Variants in UBE3D observed in about 807,000 individuals in gnomAD.
UBE3D encodes ubiquitin protein ligase E3D, also known as E3 ubiquitin-protein ligase E3D.
Under a neutral mutation model 49.6 loss-of-function variants are expected in UBE3D, and 48 were observed. That is an observed-to-expected ratio of 0.97 (90% CI 0.77 to 1.23). The LOEUF (loss-of-function observed/expected upper bound fraction) is 1.23, where lower values mean the gene tolerates loss of function less well. Among genes scored for constraint, UBE3D ranks in the 50% most tolerant of loss-of-function variants. The probability of loss-of-function intolerance (pLI) is 0.00; values close to 1 mark genes in which losing one functional copy is unlikely to be tolerated. For synonymous variants in UBE3D, 189 were observed against 174.2 expected, an observed-to-expected ratio of 1.08 and a Z score of -0.67; for missense variants, 452 against 468.4, an observed-to-expected ratio of 0.96 and a Z score of 0.32.
chr6:83,031,836 G>T (rs1395315689), intron 5 of UBE3D, among the ~76,000 whole-genome samples: 1 of 152,192 alleles, frequency 6.6e-6, no homozygotes, highest in African/African-American at 2.4e-5. Context: ...GCTAAAAGGG[G>T]CCAAGGTACA....
At chr6:83,012,021 A>C (rs1780371407) in intron 8 of UBE3D, among the ~76,000 whole-genome samples, 1 of 152,208 alleles carries the variant, frequency 6.6e-6, no homozygotes, top group Non-Finnish European at 1.5e-5. Flanking sequence ...ATGACTTCAA[A>C]AGGCCATTCC....
chr6:83,040,481 T>A (rs1251342418), intron 4 of UBE3D, among the ~76,000 whole-genome samples: 1 of 152,106 alleles, frequency 6.6e-6, no homozygotes, highest in Non-Finnish European at 1.5e-5. Context: ...CTCTATGGCC[T>A]ATTCTTTCCC....
chr6:82,998,201 G>A (rs550787425), intron 8 of UBE3D, among the ~76,000 whole-genome samples: 14 of 152,270 alleles, frequency 9.2e-5, no homozygotes, highest in African/African-American at 1.7e-4. Context: ...TAAATGTTCC[G>A]TTTATTTTGC....
the UBE3D span, among the ~76,000 whole-genome samples, chr6:82,884,863 T>C: frequency 2.0e-5 from 3 of 152,140 alleles, no homozygotes; most frequent in Non-Finnish European, 2.9e-5. Context: ...ACAAAAAGAT[T>C]CCCGGTACTT....
intron 9 of UBE3D, among the ~76,000 whole-genome samples, chr6:82,915,001 G>C (rs1477127284): frequency 6.6e-6 from 1 of 152,096 alleles, no homozygotes; most frequent in East Asian, 1.9e-4. Flanking sequence ...AACCCTGAGT[G>C]GATTGCCCAC....
intron 8 of UBE3D, among the ~76,000 whole-genome samples, chr6:83,001,542 G>T (rs1370654108): frequency 6.6e-6 from 1 of 152,082 alleles, no homozygotes; most frequent in Non-Finnish European, 1.5e-5. Context: ...CTTAGCTTTA[G>T]CTTCTCTCCA....
chr6:83,008,027 T>G (rs754133295), intron 8 of UBE3D, among the ~76,000 whole-genome samples: 2 of 152,182 alleles, frequency 1.3e-5, no homozygotes, highest in Non-Finnish European at 2.9e-5. Flanking sequence ...TAAATACAAT[T>G]TCAAGAAAAT....
rs986105765 is a variant in UBE3D at position 82,922,828 on chromosome 6, G to A, written c.1150-29786C>T. Among the ~76,000 whole-genome samples the A allele has an allele frequency of 2.0e-5, 3 of 152,194 alleles. No homozygotes were observed. In the East Asian group the frequency reaches 5.8e-4, roughly 29 times the overall value. On this transcript the variant is annotated intron_variant, in intron 9 of 9. Coordinates refer to ENST00000369747, the MANE Select transcript of UBE3D (RefSeq NM_198920.3). ...TTGCAGTCTATCCATCTGACAAAGG[G>A]CTAATATCCAGAATCTACAAAGAAG...
intron 9 of UBE3D, among the ~76,000 whole-genome samples, chr6:82,897,396 G>C (rs1251490503): frequency 1.3e-5 from 2 of 151,994 alleles, no homozygotes; most frequent in Admixed American, 1.3e-4. Flanking sequence ...TTCGAGACCA[G>C]CCTGGCCAAC....
At chr6:83,065,474 T>C (rs1784430166) in intron 1 of UBE3D, among the ~76,000 whole-genome samples, 168 bp downstream of exon 1, 1 of 151,570 alleles carries the variant, frequency 6.6e-6, no homozygotes, top group Admixed American at 6.6e-5. Context: ...GGGGTGGGAG[T>C]GGCGGAGCCG....
chr6:82,887,929 T>C (rs1489758980), downstream of UBE3D, among the ~76,000 whole-genome samples: 1 of 152,108 alleles, frequency 6.6e-6, no homozygotes, highest in Non-Finnish European at 1.5e-5. Context: ...CATTTCTGGC[T>C]CTTCTTCCTA....
intron 9 of UBE3D, among the ~76,000 whole-genome samples, chr6:82,922,098 G>A (rs1240085430): frequency 6.6e-6 from 1 of 151,066 alleles, no homozygotes; most frequent in African/African-American, 2.4e-5. Flanking sequence ...CCAGATAATA[G>A]TTGTAGCAGA....
intron 8 of UBE3D, among the ~76,000 whole-genome samples, chr6:83,012,738 C>A (rs1442193578): frequency 6.6e-6 from 1 of 152,192 alleles, no homozygotes; most frequent in Non-Finnish European, 1.5e-5. Flanking sequence ...CCATGTCAAA[C>A]CATTGGCTAC....
rs143546963 is a variant in UBE3D, at chr6:82,959,970, A to G, written c.1011-2520T>C. 2.0e-3 allele frequency among the ~76,000 whole-genome samples: 312 copies of G among 152,264 alleles called. 2 individuals carry two copies. Among genetic ancestry groups the G allele is most frequent in the African/African-American group, 6.9e-3 (287 of 41,570 alleles). On this transcript the variant is annotated intron_variant, in intron 8 of 9. Coordinates refer to ENST00000369747, the MANE Select transcript of UBE3D (RefSeq NM_198920.3). ...TTAATCCTCTGGGAAATACGCTTGCAGTCCCGGGAAGAAAAGAGTTGTTCC... is the reference window on the plus strand; with the variant it reads ...TTAATCCTCTGGGAAATACGCTTGCGGTCCCGGGAAGAAAAGAGTTGTTCC...
At position 83,024,018 on chromosome 6, in the gene UBE3D, T is replaced by C; in HGVS notation, c.688A>G (p.Thr230Ala). 1 of 1,533,838 alleles carries C rather than the reference T, an allele frequency of 6.5e-7. No homozygotes were observed. The highest frequency in any genetic ancestry group is 8.7e-7 in the Non-Finnish European group (1 of 1,146,680). Residue 230 changes from threonine to alanine, a missense_variant, in exon 6 of 10, where the codon ACA becomes GCA. Coordinates refer to ENST00000369747, the MANE Select transcript of UBE3D (RefSeq NM_198920.3). ...VSSETTKFYM[T>A]EIIIQSSERS... ...TCAGATGACTGAATAATTATCTCTG[T>C]CATATAAAACTTGGTGGTTTCTAGA... is the stretch of plus-strand genomic sequence containing the variant.
rs1403210966 is a variant in UBE3D at position 83,022,470 on chromosome 6, C to T, written c.829G>A (p.Asp277Asn). ...TFRFTIQGQD[D>N]KVYILLWLLN... ...TTTCTTACCAAGATATACACTTTGT[C>T]ATCCTGACCTTGAATCGTGAATCTA... The change falls in exon 7 of 10, where the codon GAC (aspartate) becomes AAC (asparagine). Residue 277 changes from aspartate (D) to asparagine (N), a missense_variant. Physicochemically the swap from Asp to Asn is conservative, Grantham distance 23. Coordinates refer to ENST00000369747, the MANE Select transcript of UBE3D (RefSeq NM_198920.3). The T allele has an allele frequency of 6.3e-7, 1 of 1,599,584 alleles. No homozygotes were observed. The highest frequency in any genetic ancestry group is 1.1e-5 in the South Asian group (1 of 88,366).
Position 83,044,584 on chromosome 6 carries a change from G to T in UBE3D, c.441C>A (p.Asp147Glu), listed in dbSNP as rs1782898446. Residue 147 changes from aspartate to glutamate, a missense_variant, in exon 4 of 10, where the codon GAC becomes GAA. Asp to Glu is a conservative substitution (Grantham distance 45). Transcript: ENST00000369747. ...ALVGEWCCHPDPFANKSLHPQ... is the reference protein window; with the variant it reads ...ALVGEWCCHPEPFANKSLHPQ... ...GATGAAGTGATTTATTAGCAAAGGG[G>T]TCAGGATGACAACACCATTCTCCAA... 1.2e-6 allele frequency: 2 copies of T among 1,614,112 alleles called. No homozygotes were observed. Among genetic ancestry groups the T allele is most frequent in the African/African-American group, 1.3e-5 (1 of 75,038 alleles).
At chr6:82,918,007 T>C (rs1046390725) in intron 9 of UBE3D, among the ~76,000 whole-genome samples, 22 of 152,188 alleles carry the variant, frequency 1.4e-4, no homozygotes, top group Admixed American at 1.4e-3. Flanking sequence ...ATAAACTCCT[T>C]GCTCTTTATT....
intron 9 of UBE3D, among the ~76,000 whole-genome samples, chr6:82,894,578 C>A (rs774844514): frequency 3.2e-4 from 49 of 152,142 alleles, no homozygotes; most frequent in Non-Finnish European, 5.6e-4. Flanking sequence ...TTCTGTAGAG[C>A]CGCCAACTCC....
Sources: gnomAD v4.1 joint callset for allele counts (sites outside exome capture counted in the v4.1 genomes callset) on GRCh38, gnomAD v4.1.1 for gene constraint, MANE v1.5 for transcripts, NCBI Gene and HGNC (gene_info 2026-07-23, HGNC 2026-07-21) for gene names.